The following PDE4D variants were observed in gnomAD, a reference collection of about 807,000 sequenced individuals.
The protein encoded by PDE4D is 3',5'-cyclic-AMP phosphodiesterase 4D.
A neutral mutation model predicts 87.4 loss-of-function variants in PDE4D; 24 were observed. That is an observed-to-expected ratio of 0.27 (90% CI 0.20 to 0.39). PDE4D has a LOEUF of 0.39. PDE4D is among the 10% of genes least tolerant of loss of function. PDE4D has a pLI of 1.00. For synonymous variants in PDE4D, 384 were observed against 383.2 expected, an observed-to-expected ratio of 1.00 and a Z score of -0.02; for missense variants, 714 against 1,041.0, an observed-to-expected ratio of 0.69 and a Z score of 4.32.
At chr5:60,018,251 T>A (rs1487854383) in intron 2 of PDE4D, among the ~76,000 whole-genome samples, 1 of 151,486 alleles carries the variant, frequency 6.6e-6, no homozygotes, top group Non-Finnish European at 1.5e-5. Flanking sequence ...CTAAACTTCA[T>A]AAGCAAAGGA....
chr5:60,414,497 T>C (rs1742319373), intron 1 of PDE4D, among the ~76,000 whole-genome samples: 1 of 152,220 alleles, frequency 6.6e-6, no homozygotes. Context: ...AACTATAATT[T>C]GGACCTATTA....
At chr5:58,981,288 C>T (rs1481780034) in intron 11 of PDE4D, among the ~76,000 whole-genome samples, 2 of 152,068 alleles carry the variant, frequency 1.3e-5, no homozygotes, top group Admixed American at 6.6e-5. Context: ...TCCATAAGGC[C>T]ATAATTCTAC....
At chr5:59,858,347 G>A (rs1258996115) in intron 1 of PDE4D, among the ~76,000 whole-genome samples, 1 of 151,946 alleles carries the variant, frequency 6.6e-6, no homozygotes, top group Non-Finnish European at 1.5e-5. Flanking sequence ...GTGGTAGGAT[G>A]TATCATCTGG....
At position 60,295,966 on chromosome 5, in the gene PDE4D, T is replaced by G. The variant is rs141376638; in HGVS notation, c.-89-110279A>C. Among the ~76,000 whole-genome samples the G allele has an allele frequency of 7.2e-5, 11 of 152,320 alleles. No homozygotes were observed. The South Asian group carries it at 1.9e-3, about 26-fold the overall frequency. ...AAGATCAAGGAACCAGAGAATTTGA[T>G]GTCTAATAAGGGCCAGCTTCATCAT... On this transcript the variant is annotated intron_variant, in intron 1 of 16. Coordinates refer to the PDE4D transcript ENST00000502484.
intron 2 of PDE4D, among the ~76,000 whole-genome samples, chr5:60,172,910 C>A (rs899177526): frequency 6.6e-6 from 1 of 152,102 alleles, no homozygotes; most frequent in Non-Finnish European, 1.5e-5. Context: ...GTTTACCTTC[C>A]TTGTGATTTA....
chr5:60,448,727 A>G (rs1440913712), intron 1 of PDE4D: 1 of 152,180 alleles, frequency 6.6e-6, no homozygotes, highest in Admixed American at 6.5e-5. Flanking sequence ...GTTTCTACCA[A>G]GAATACAAAT....
chr5:59,621,574 T>C (rs942273532), intron 1 of PDE4D, among the ~76,000 whole-genome samples: 9 of 152,320 alleles, frequency 5.9e-5, no homozygotes, highest in Admixed American at 2.0e-4. Context: ...TTCCTAGTAG[T>C]TTCTCACTGA....
intron 1 of PDE4D, among the ~76,000 whole-genome samples, chr5:59,278,820 T>C (rs1181310592): frequency 6.6e-6 from 1 of 152,102 alleles, no homozygotes. Flanking sequence ...ATACCACTAA[T>C]GGTGCCCCGA....
intron 1 of PDE4D, among the ~76,000 whole-genome samples, chr5:59,393,524 C>A (rs1788664756): frequency 6.6e-6 from 1 of 152,174 alleles, no homozygotes; most frequent in African/African-American, 2.4e-5. Flanking sequence ...TTCCACACTG[C>A]ATGCATCCTA....
At chr5:59,403,893 T>A (rs1791139915) in intron 1 of PDE4D, among the ~76,000 whole-genome samples, 1 of 152,218 alleles carries the variant, frequency 6.6e-6, no homozygotes, top group Non-Finnish European at 1.5e-5. Flanking sequence ...TTCTCCGTAG[T>A]GGTTGTACTA....
chr5:59,043,886 C>T (rs1760171305), intron 5 of PDE4D, among the ~76,000 whole-genome samples: 4 of 152,172 alleles, frequency 2.6e-5, no homozygotes, highest in Admixed American at 2.6e-4. Flanking sequence ...GACATGAACT[C>T]ATCCTTTTTC....
chr5:59,887,418 A>C (rs1750327743), intron 1 of PDE4D, among the ~76,000 whole-genome samples: 1 of 152,210 alleles, frequency 6.6e-6, no homozygotes. Flanking sequence ...ATCTTTTGAA[A>C]TATAATACAG....
intron 4 of PDE4D, among the ~76,000 whole-genome samples, chr5:59,182,209 A>T (rs1290238915): frequency 6.6e-6 from 1 of 152,126 alleles, no homozygotes; most frequent in African/African-American, 2.4e-5. Flanking sequence ...AGCTGCTCTG[A>T]AATAGCTCTG....
intron 5 of PDE4D, among the ~76,000 whole-genome samples, chr5:59,108,710 A>G (rs574192610): frequency 6.6e-6 from 1 of 152,198 alleles, no homozygotes; most frequent in Non-Finnish European, 1.5e-5. Flanking sequence ...CCTGGCCAAC[A>G]TGGCAAAACC....
intron 3 of PDE4D, among the ~76,000 whole-genome samples, chr5:59,909,416 A>G (rs1019443035): frequency 6.6e-6 from 1 of 151,618 alleles, no homozygotes; most frequent in African/African-American, 2.4e-5. Flanking sequence ...CTTTTGAGAC[A>G]AAGGGGTCTT....
chr5:59,879,575 A>G (rs1749137316), intron 1 of PDE4D, among the ~76,000 whole-genome samples: 1 of 152,164 alleles, frequency 6.6e-6, no homozygotes, highest in African/African-American at 2.4e-5. Context: ...ATTTGTTTGC[A>G]TTTATTTTTC....
intron 1 of PDE4D, chr5:59,586,607 T>C: frequency 7.7e-7 from 1 of 1,296,110 alleles, no homozygotes; most frequent in South Asian, 2.3e-5. Context: ...ACTGCAGGTA[T>C]GGGTCCATCC....
intron 1 of PDE4D, among the ~76,000 whole-genome samples, chr5:60,502,519 G>GT (rs1303930139): frequency 6.6e-6 from 1 of 152,122 alleles, no homozygotes. Flanking sequence ...CTTTAAAGTA[G>GT]TTTTTTCCAA....
intron 2 of PDE4D, among the ~76,000 whole-genome samples, chr5:60,008,940 G>T (rs1456083386): frequency 6.6e-6 from 1 of 151,900 alleles, no homozygotes; most frequent in Non-Finnish European, 1.5e-5. Flanking sequence ...CCATATTAGT[G>T]GTTCCTGCCA....
Sources: allele counts gnomAD v4.1 joint callset (sites outside exome capture counted in the v4.1 genomes callset), GRCh38; gene constraint gnomAD v4.1.1; transcripts MANE v1.5; gene names NCBI Gene and HGNC (gene_info 2026-07-23, HGNC 2026-07-21).